The following PTPN4 variants were observed in gnomAD, a reference collection of about 807,000 sequenced individuals.
PTPN4 encodes the protein tyrosine-protein phosphatase non-receptor type 4.
In PTPN4, 49 loss-of-function variants were observed where a neutral mutation model predicts 135.5. The ratio of observed to expected loss-of-function variants is 0.36; its 90% confidence interval spans 0.29 to 0.46. The LOEUF (loss-of-function observed/expected upper bound fraction) is 0.46. Among genes scored for constraint, PTPN4 ranks in the 20% least tolerant of loss-of-function variants. The probability of loss-of-function intolerance (pLI) is 1.00; values close to 1 mark genes in which losing one functional copy is unlikely to be tolerated. For missense variants in PTPN4, 860 were observed against 1,101.0 expected, an observed-to-expected ratio of 0.78 and a Z score of 3.10; for synonymous variants, 333 against 369.9, an observed-to-expected ratio of 0.90 and a Z score of 1.14.
intron 25 of PTPN4, 58 bp from the exon 26 acceptor site, chr2:119,967,779 C>T (rs1679467238): frequency 7.2e-7 from 1 of 1,385,524 alleles, no homozygotes; most frequent in Non-Finnish European, 9.6e-7. Context: ...GCACAAAAGC[C>T]ACAAGTAGTT....
chr2:119,802,080 T>C (rs568264196), intron 1 of PTPN4, among the ~76,000 whole-genome samples: 18 of 152,202 alleles, frequency 1.2e-4, no homozygotes, highest in Non-Finnish European at 2.6e-4. Context: ...ATTTTTTGTA[T>C]TTTTAGGAGA....
intron 1 of PTPN4, among the ~76,000 whole-genome samples, chr2:119,794,239 T>C (rs538000537): frequency 3.3e-5 from 5 of 152,288 alleles, no homozygotes; most frequent in East Asian, 1.9e-4. Context: ...TGTTATAGGA[T>C]CCGTGGGATA....
At chr2:119,920,021 G>T in intron 11 of PTPN4, 48 bp from the exon 12 acceptor site, 1 of 1,557,134 alleles carries the variant, frequency 6.4e-7, no homozygotes, top group Non-Finnish European at 8.6e-7. Context: ...TGGAGCATTA[G>T]ATCCTGACAT....
chr2:119,960,500 C>T (rs114292991), intron 22 of PTPN4, among the ~76,000 whole-genome samples: 1,978 of 152,162 alleles, frequency 0.013, 24 homozygotes, highest in Non-Finnish European at 0.016. Context: ...CATAATCGGC[C>T]GGGTGTGGCT....
At chr2:119,786,018 G>A (rs955418321) in intron 1 of PTPN4, among the ~76,000 whole-genome samples, 1 of 152,136 alleles carries the variant, frequency 6.6e-6, no homozygotes, top group Non-Finnish European at 1.5e-5. Context: ...ATGCGTGCTT[G>A]GTTGAACACC....
At chr2:119,875,777 T>C (rs1303793682) in intron 3 of PTPN4, among the ~76,000 whole-genome samples, 2 of 152,214 alleles carry the variant, frequency 1.3e-5, no homozygotes, top group African/African-American at 4.8e-5. Flanking sequence ...AGCCCTGTGC[T>C]AGGTGCTGAC....
intron 25 of PTPN4, 117 bp downstream of exon 25, chr2:119,965,762 CT>C: frequency 1.6e-6 from 2 of 1,242,728 alleles, no homozygotes; most frequent in Non-Finnish European, 2.2e-6. Context: ...GAACTCAAAG[CT>C]ATGCTCTGAA....
intron 15 of PTPN4, 67 bp from the exon 16 acceptor site, chr2:119,945,014 G>A (rs1475740988): frequency 4.2e-6 from 6 of 1,416,228 alleles, no homozygotes. Context: ...TTGTAAATAT[G>A]TGGGTTGCTT....
In PTPN4 at chr2:119,974,655, T is replaced by C. The variant is rs1334742332; in HGVS notation, c.2695-2329T>C. Among the ~76,000 whole-genome samples, 3 of 152,204 alleles carry C rather than the reference T, an allele frequency of 2.0e-5. No individual in the cohort carries two copies. In the East Asian group the frequency reaches 5.8e-4, roughly 29 times the overall value. ...AGAAAATATATCCAGGCCCAGCTTG[T>C]ACATCTTGTGCCCCTGATTTAGAAT... On this transcript the variant is annotated intron_variant, in intron 26 of 26. Coordinates refer to ENST00000263708, the MANE Select transcript of PTPN4 (RefSeq NM_002830.4).
At chr2:119,906,494 A>G (rs1295083788) in intron 10 of PTPN4, among the ~76,000 whole-genome samples, 3 of 152,238 alleles carry the variant, frequency 2.0e-5, no homozygotes, top group Non-Finnish European at 2.9e-5. Flanking sequence ...TCCAGGATGC[A>G]AGGATAGTTT....
At chr2:119,873,072 A>G (rs1677936187) in intron 3 of PTPN4, among the ~76,000 whole-genome samples, 1 of 152,054 alleles carries the variant, frequency 6.6e-6, no homozygotes, top group Non-Finnish European at 1.5e-5. Flanking sequence ...CATGGCTTAC[A>G]GCAGCCTCAG....
chr2:119,783,890 T>C (rs1690993325), intron 1 of PTPN4, among the ~76,000 whole-genome samples: 1 of 152,204 alleles, frequency 6.6e-6, no homozygotes, highest in East Asian at 1.9e-4. Context: ...TCTTTTCTGT[T>C]CCACAGTGTC....
At chr2:119,844,257 G>A (rs1346053785) in intron 2 of PTPN4, among the ~76,000 whole-genome samples, 7 of 139,344 alleles carry the variant, frequency 5.0e-5, no homozygotes, top group Admixed American at 1.4e-4. Flanking sequence ...CCTCCCAGAC[G>A]GGGCGGCTGG....
intron 2 of PTPN4, among the ~76,000 whole-genome samples, chr2:119,854,759 G>A (rs1677647353): frequency 6.6e-6 from 1 of 152,232 alleles, no homozygotes; most frequent in African/African-American, 2.4e-5. Flanking sequence ...ATTCCGTAAA[G>A]ATGATTGGAA....
At chr2:119,868,430 T>A (rs1351866490) in intron 3 of PTPN4, among the ~76,000 whole-genome samples, 2 of 152,204 alleles carry the variant, frequency 1.3e-5, no homozygotes, top group African/African-American at 2.4e-5. Flanking sequence ...CTTGTAAAAT[T>A]AAACATAGAT....
At chr2:119,968,517 G>A (rs1367116054) in intron 26 of PTPN4, among the ~76,000 whole-genome samples, 2 of 151,994 alleles carry the variant, frequency 1.3e-5, no homozygotes, top group Non-Finnish European at 2.9e-5. Context: ...GCCGGGCGCG[G>A]TAGGTAGCTC....
chr2:119,855,646 G>A (rs1317834983), intron 2 of PTPN4, among the ~76,000 whole-genome samples: 1 of 152,162 alleles, frequency 6.6e-6, no homozygotes, highest in African/African-American at 2.4e-5. Flanking sequence ...GACGTAATAT[G>A]CCCTGGCCAG....
In PTPN4 at chr2:119,932,567, G is replaced by A. The variant is rs1678922008; in HGVS notation, c.1196+18G>A. 29 of 1,584,990 alleles carry A rather than the reference G, an allele frequency of 1.8e-5. No individual in the cohort carries two copies. Among genetic ancestry groups the A allele is most frequent in the Non-Finnish European group, 2.5e-5 (29 of 1,166,064 alleles). ...CCTAATCAGTAAGTGTGAATTTTGT[G>A]ACCAACATCAGGTGTGAATTTTGCT... On this transcript the variant is annotated intron_variant, in intron 14 of 26. Coordinates refer to ENST00000263708, the MANE Select transcript of PTPN4 (RefSeq NM_002830.4).
chr2:119,836,873 G>A (rs919439641), intron 2 of PTPN4, among the ~76,000 whole-genome samples: 3 of 152,222 alleles, frequency 2.0e-5, no homozygotes, highest in East Asian at 1.9e-4. Context: ...GACTTTGGGC[G>A]CTGATGAGCA....
Sources: gnomAD v4.1 joint callset for allele counts (sites outside exome capture counted in the v4.1 genomes callset) on GRCh38, gnomAD v4.1.1 for gene constraint, MANE v1.5 for transcripts, NCBI Gene and HGNC (gene_info 2026-07-23, HGNC 2026-07-21) for gene names.